GDF1: variants seen among roughly 807,000 people sequenced by gnomAD.
GDF1 encodes growth differentiation factor 1, also known as embryonic growth/differentiation factor 1.
A neutral mutation model predicts 7.4 loss-of-function variants in GDF1; 8 were observed. The ratio of observed to expected loss-of-function variants is 1.09; its 90% CI spans 0.64 to 1.96. The LOEUF is 1.96. Ranked by LOEUF, GDF1 falls within the 30% of genes most tolerant of loss-of-function variation. The probability of loss-of-function intolerance (pLI) is 0.00; values close to 1 mark genes in which losing one functional copy is unlikely to be tolerated. For missense variants in GDF1, 574 were observed against 551.5 expected (o/e 1.04, Z -0.41); for synonymous variants, 311 against 276.7 (o/e 1.12, Z -1.23).
Position 18,884,709 on chromosome 19 carries a change from C to CTTTTT in GDF1, c.-913-447_-913-443dup, listed in dbSNP as rs36074874. On this transcript the variant is annotated intron_variant, in intron 2 of 7. Transcript: ENST00000247005. ...GGCGTGAGCCACCCCGCCCAGCCGT[C>CTTTTT]TTTTTTTTTTTTTTTTTTTTTTTGA... Among the ~76,000 whole-genome samples the CTTTTT allele has an allele frequency of 2.7e-3, 186 of 69,128 alleles. 11 individuals carry two copies. The highest frequency in any genetic ancestry group is 0.026 in the Middle Eastern group (1 of 38). The allele number at this position is 69,128 out of a possible 152,430, so 45.4% of individuals were successfully genotyped here. A position where few individuals can be genotyped will look rare whatever the true frequency, so the allele number is the denominator to read the frequency against.
rs374836827 is a variant in GDF1, at chr19:18,868,573, G to A, written c.*24C>T. On this transcript the variant is annotated 3_prime_UTR_variant, in exon 8 of 8. Transcript: ENST00000247005. Reference sequence around the variant, plus strand: ...CAGACCACGCGGCATTTATTGTTGGGCCCGCGTCCCTGCCCGCCCCGGGTT... The same window carrying A: ...CAGACCACGCGGCATTTATTGTTGGACCCGCGTCCCTGCCCGCCCCGGGTT... 86 of 1,515,164 alleles carry A rather than the reference G, an allele frequency of 5.7e-5. No homozygotes were observed. The highest frequency in any genetic ancestry group is 7.6e-5 in the Non-Finnish European group (85 of 1,115,696). The allele number at this position is 1,515,164 out of a possible 1,614,324, so 93.9% of individuals were successfully genotyped here.
chr19:18,887,590 C>G (rs1375390035), intron 2 of GDF1, among the ~76,000 whole-genome samples: 1 of 151,704 alleles, frequency 6.6e-6, no homozygotes, highest in East Asian at 1.9e-4. Flanking sequence ...ACTAAAAATA[C>G]AAAAATTAGC....
Position 18,868,896 on chromosome 19 carries a change from C to A in GDF1, c.820G>T (p.Val274Leu). 1 of 1,412,824 alleles carries A rather than the reference C, an allele frequency of 7.1e-7. No homozygotes were observed. Among genetic ancestry groups the A allele is most frequent in the Admixed American group, 2.3e-5 (1 of 43,674 alleles). The allele number at this position is 1,412,824 out of a possible 1,614,324, so 87.5% of individuals were successfully genotyped here. A position where few individuals can be genotyped will look rare whatever the true frequency, so the allele number is the denominator to read the frequency against. ...GGACRARRLY[V>L]SFREVGWHRW... is the part of the protein sequence containing the mutation. Reference sequence around the variant, plus strand: ...TGCCAGCCCACCTCGCGGAAGCTCACGTACAGCCGCCGCGCGCGACAAGCG... The same window carrying A: ...TGCCAGCCCACCTCGCGGAAGCTCAAGTACAGCCGCCGCGCGCGACAAGCG... Residue 274 changes from valine to leucine, a missense_variant, in exon 8 of 8, where the codon GTG (valine) becomes TTG (leucine). Val to Leu is a conservative substitution (Grantham distance 32). Transcript: ENST00000247005.
Position 18,893,527 on chromosome 19 carries a change from G to C in GDF1, c.-1025C>G, listed in dbSNP as rs1426723196. The stretch of plus-strand genomic sequence containing the variant: ...AAGAGAAACTTCCAAGCGCTCTCGG[G>C]CATCTTGGCGGCATCTCTGGGCTGG... On this transcript the variant is annotated 5_prime_UTR_variant, in exon 2 of 8. Transcript: ENST00000247005. 14 of 1,610,714 alleles carry C rather than the reference G, an allele frequency of 8.7e-6. No homozygotes were observed. Among genetic ancestry groups the C allele is most frequent in the Non-Finnish European group, 1.2e-5 (14 of 1,178,768 alleles).
chr19:18,878,027 G>T lies in GDF1; in HGVS notation c.-313+903C>A, dbSNP rs1010284824. 3 of 985,464 alleles carry T rather than the reference G, an allele frequency of 3.0e-6. No homozygotes were observed. Among genetic ancestry groups the T allele is most frequent in the Non-Finnish European group, 3.6e-6 (3 of 829,970 alleles). The allele number at this position is 985,464 out of a possible 1,614,324, so 61.0% of individuals were successfully genotyped here. On this transcript the variant is annotated intron_variant, in intron 6 of 7. Coordinates refer to ENST00000247005, the MANE Select transcript of GDF1 (RefSeq NM_001492.6). This position sits in a 1 kb window ranked among gnomAD's most constrained non-coding sequence, Gnocchi z 4.6. Reference sequence around the variant, plus strand: ...CGCTCCTCTGCCTGGCTACAGCCCCGGATGTGTTAAATGTCTGCATCTCGC... The same window carrying T: ...CGCTCCTCTGCCTGGCTACAGCCCCTGATGTGTTAAATGTCTGCATCTCGC...
rs1340148780 is a variant in GDF1 at position 18,870,624 on chromosome 19, G to A, written c.-312-5C>T. The A allele has an allele frequency of 3.5e-6, 2 of 572,768 alleles. No homozygotes were observed. Among genetic ancestry groups the A allele is most frequent in the Non-Finnish European group, 6.3e-6 (2 of 316,550 alleles). The allele number at this position is 572,768 out of a possible 1,614,324, so 35.5% of individuals were successfully genotyped here. On this transcript the variant is annotated splice_region_variant and splice_polypyrimidine_tract_variant and intron_variant, in intron 6 of 7. Transcript: ENST00000247005. This position sits in a 1 kb window ranked among gnomAD's most constrained non-coding sequence, Gnocchi z 5.1. ...AGGCCGTTCCTCAGTGGCTTCCTGG[G>A]GGTCAGAACCGGCGCAGGTTAGCCT...
chr19:18,874,597 G>A (rs1601154576), intron 6 of GDF1, among the ~76,000 whole-genome samples: 1 of 152,230 alleles, frequency 6.6e-6, no homozygotes, highest in Non-Finnish European at 1.5e-5. Context: ...GGCCGGTCCC[G>A]GCAGCCCCTG....
At chr19:18,871,882 A>C (rs1158891252) in intron 6 of GDF1, among the ~76,000 whole-genome samples, 2 of 152,146 alleles carry the variant, frequency 1.3e-5, no homozygotes, top group African/African-American at 4.8e-5. Flanking sequence ...TCCCATAAAC[A>C]AACCTCCGTG....
At chr19:18,886,984 G>A (rs1355462429) in intron 2 of GDF1, among the ~76,000 whole-genome samples, 3 of 152,184 alleles carry the variant, frequency 2.0e-5, no homozygotes, top group East Asian at 1.9e-4. Flanking sequence ...ACACACAAAC[G>A]GTCACCATGA....
Position 18,879,400 on chromosome 19 carries a change from GGA to G in GDF1, c.-570-14_-570-13del. ...GGCGGAACCAGAACCTGCGGTGGGA[GGA>G]GTCAGGAGGCCGTGGGTGGAGGGGG... On this transcript the variant is annotated splice_polypyrimidine_tract_variant and intron_variant, in intron 4 of 7. Coordinates refer to ENST00000247005, the MANE Select transcript of GDF1 (RefSeq NM_001492.6). 1 of 1,555,004 alleles carries G rather than the reference GGA, an allele frequency of 6.4e-7. No homozygotes were observed. Among genetic ancestry groups the G allele is most frequent in the Non-Finnish European group, 8.7e-7 (1 of 1,149,324 alleles).
Position 18,893,417 on chromosome 19 carries a change from G to A in GDF1, c.-915C>T, listed in dbSNP as rs779362030. On this transcript the variant is annotated splice_region_variant and 5_prime_UTR_variant, in exon 2 of 8. It adds an upstream start codon to the 5' untranslated region. Coordinates refer to ENST00000247005, the MANE Select transcript of GDF1 (RefSeq NM_001492.6). Reference sequence around the variant, plus strand: ...CGGCCATCCCCTCAGGGCCCCTACCGTAGAAGACAGATGGTGGGTCATGGA... The same window carrying A: ...CGGCCATCCCCTCAGGGCCCCTACCATAGAAGACAGATGGTGGGTCATGGA... The A allele has an allele frequency of 1.6e-5, 26 of 1,601,628 alleles. No homozygotes were observed. Among genetic ancestry groups the A allele is most frequent in the Non-Finnish European group, 1.9e-5 (22 of 1,174,656 alleles).
intron 1 of GDF1, 108 bp from the exon 2 acceptor site, chr19:18,893,683 G>A: frequency 8.6e-7 from 1 of 1,162,876 alleles, no homozygotes; most frequent in Non-Finnish European, 1.2e-6. Flanking sequence ...GGCAGCACTG[G>A]GAAGGCCTGT....
Position 18,884,549 on chromosome 19 carries a change from A to G in GDF1, c.-913-282T>C, listed in dbSNP as rs545113235. Reference sequence around the variant, plus strand: ...CAGCCTCCTGAGTAGCTAGGACTACAGGTGCATGCCACCAAGCCCGGCTAA... The same window carrying G: ...CAGCCTCCTGAGTAGCTAGGACTACGGGTGCATGCCACCAAGCCCGGCTAA... On this transcript the variant is annotated intron_variant, in intron 2 of 7. Transcript: ENST00000247005. Among the ~76,000 whole-genome samples the G allele has an allele frequency of 7.2e-5, 11 of 151,876 alleles. No homozygotes were observed. In the South Asian group the frequency reaches 2.3e-3, roughly 32 times the overall value.
At position 18,868,710 on chromosome 19, in the gene GDF1, AG is replaced by A; in HGVS notation, c.1005del (p.Cys336AlafsTer49). The A allele has an allele frequency of 6.5e-7, 1 of 1,549,542 alleles. No homozygotes were observed. The highest frequency in any genetic ancestry group is 8.7e-7 in the Non-Finnish European group (1 of 1,145,950). On this transcript the variant is annotated frameshift_variant, in exon 8 of 8. Transcript: ENST00000247005. LOFTEE classifies it low-confidence loss of function (END_TRUNC). ...GGCGACAGGCGCGCGGGCACGCAGC[AG>A]GGCAGGTCGGCGGCTCCCGGGGCGG... ...HAAAPGAADLPCCVPARLSPI... is the reference protein window; with the variant it reads ...HAAAPGAADLXCCVPARLSPI...
At chr19:18,888,027 C>T (rs1428501603) in intron 2 of GDF1, among the ~76,000 whole-genome samples, 1 of 152,068 alleles carries the variant, frequency 6.6e-6, no homozygotes, top group Non-Finnish European at 1.5e-5. Context: ...TTGTGATTGG[C>T]TAAAATGCCT....
chr19:18,886,363 CA>C (rs1349487318), intron 2 of GDF1, among the ~76,000 whole-genome samples: 1 of 152,092 alleles, frequency 6.6e-6, no homozygotes, highest in Non-Finnish European at 1.5e-5. Flanking sequence ...TCCTGGTTAA[CA>C]CAGTGAAACC....
At chr19:18,879,636 C>T (rs2056148544) in intron 4 of GDF1, among the ~76,000 whole-genome samples, 1 of 149,370 alleles carries the variant, frequency 6.7e-6, no homozygotes, top group South Asian at 2.1e-4. Context: ...CGCCAAGGCC[C>T]CACCTCCTCC....
chr19:18,881,208 CT>C (rs1196828217), intron 3 of GDF1, among the ~76,000 whole-genome samples: 1,923 of 146,868 alleles, frequency 0.013, 44 homozygotes, highest in African/African-American at 0.044. Context: ...CATCAGGATC[CT>C]TTTTTTTTTT....
intron 7 of GDF1, 66 bp from the exon 8 acceptor site, chr19:18,869,456 A>T: frequency 1.4e-6 from 2 of 1,476,304 alleles, no homozygotes; most frequent in Non-Finnish European, 1.8e-6. Context: ...GGTCTCGGTT[A>T]GGGACAGGGA....
Sources: gnomAD v4.1 joint callset for allele counts (sites outside exome capture counted in the v4.1 genomes callset) on GRCh38, gnomAD v4.1.1 for gene constraint, Gnocchi (gnomAD v3.1) non-coding constraint, MANE v1.5 for transcripts, NCBI Gene and HGNC (gene_info 2026-07-23, HGNC 2026-07-21) for gene names.